Variants in ERCC6 observed in about 807,000 individuals in gnomAD.
The protein encoded by ERCC6 is ERCC excision repair 6, chromatin remodeling factor, also known as DNA excision repair protein ERCC-6.
A neutral mutation model predicts 158.7 loss-of-function variants in ERCC6; 116 were observed. The observed-to-expected ratio is 0.73, with a 90% CI of 0.63 to 0.85. ERCC6 has a LOEUF of 0.85. Ranked by LOEUF, ERCC6 falls within the 40% of genes least tolerant of loss-of-function variation. The probability of loss-of-function intolerance (pLI) is 0.00; values close to 1 mark genes in which losing one functional copy is unlikely to be tolerated. For missense variants in ERCC6, 1,698 were observed against 1,799.4 expected, an observed-to-expected ratio of 0.94 and a Z score of 1.02; for synonymous variants, 678 against 659.3, an observed-to-expected ratio of 1.03 and a Z score of -0.43.
intron 4 of ERCC6, among the ~76,000 whole-genome samples, chr10:49,526,117 T>TATATATATATATATATA (rs1837326508): frequency 9.2e-5 from 4 of 43,576 alleles, no homozygotes; most frequent in Non-Finnish European, 1.5e-4. Context: ...TTATATATTT[T>TATATATATATATATATA]TATATATATA....
upstream of ERCC6, chr10:49,539,183 G>C (rs982621311): frequency 1.3e-5 from 2 of 152,310 alleles, no homozygotes; most frequent in African/African-American, 2.4e-5. Context: ...TTGGAGGGAC[G>C]GGCTCAGCAG....
rs146345399 is a variant in ERCC6 at position 49,533,561 on chromosome 10, T to C, written c.-14-583A>G. ...ACTTTGGGAGGCCAAAGCGGGAGGA[T>C]AGAGACCAGCCAGGGAAACACAGCG... On this transcript the variant is annotated intron_variant, in intron 1 of 20. Transcript: ENST00000355832. Among the ~76,000 whole-genome samples the C allele has an allele frequency of 3.0e-3, 461 of 152,232 alleles. 3 individuals carry two copies. Among genetic ancestry groups the C allele is most frequent in the Non-Finnish European group, 5.0e-3 (343 of 68,024 alleles).
At chr10:49,467,575 T>C (rs1850699753) in intron 18 of ERCC6, among the ~76,000 whole-genome samples, 1 of 152,178 alleles carries the variant, frequency 6.6e-6, no homozygotes, top group African/African-American at 2.4e-5. Flanking sequence ...ATACATTTTA[T>C]TATTTTTTGA....
At chr10:49,446,320 C>T in the ERCC6 span, among the ~76,000 whole-genome samples, 1 of 151,870 alleles carries the variant, frequency 6.6e-6, no homozygotes, top group African/African-American at 2.4e-5. Context: ...AACAGCAAGA[C>T]CTCCAGCCAG....
At chr10:49,484,292 G>GA (rs1171502815) in intron 8 of ERCC6, among the ~76,000 whole-genome samples, 93 of 118,842 alleles carry the variant, frequency 7.8e-4, no homozygotes, top group Middle Eastern at 4.4e-3. Context: ...AAAAAAAAAA[G>GA]AAAAAAAAAA....
chr10:49,506,813 A>G (rs2132583457), intron 5 of ERCC6, among the ~76,000 whole-genome samples: 1 of 152,188 alleles, frequency 6.6e-6, no homozygotes, highest in East Asian at 1.9e-4. Flanking sequence ...GAGTGGGGAA[A>G]AAAAAAAAGC....
chr10:49,499,988 A>T (rs370236505), intron 7 of ERCC6, among the ~76,000 whole-genome samples: 1 of 141,500 alleles, frequency 7.1e-6, no homozygotes, highest in Non-Finnish European at 1.6e-5. Context: ...TTCAAAAACA[A>T]GAGAGAGAGC....
chr10:49,534,165 A>AAAACAAAAAAAAG (rs1321344953), intron 1 of ERCC6, among the ~76,000 whole-genome samples: 2 of 139,158 alleles, frequency 1.4e-5, no homozygotes, highest in Non-Finnish European at 1.6e-5. Flanking sequence ...CAAAAAAAAA[A>AAAACAAAAAAAAG]CTCCATTTTA....
chr10:49,515,457 T>C, intron 5 of ERCC6: 1 of 1,614,192 alleles, frequency 6.2e-7, no homozygotes, highest in Non-Finnish European at 8.5e-7. Context: ...GACTATCACA[T>C]GATTTATGCC....
At chr10:49,450,017 T>G (rs964037049), downstream of ERCC6, among the ~76,000 whole-genome samples, 1 of 152,136 alleles carries the variant, frequency 6.6e-6, no homozygotes, top group Non-Finnish European at 1.5e-5. Flanking sequence ...GGACTACAGA[T>G]GCACATGACC....
At chr10:49,464,506 G>A (rs889972294) in intron 18 of ERCC6, among the ~76,000 whole-genome samples, 1 of 152,206 alleles carries the variant, frequency 6.6e-6, no homozygotes, top group Non-Finnish European at 1.5e-5. Flanking sequence ...ACGTAACGAG[G>A]AGCCAAATGT....
chr10:49,524,527 T>C lies in ERCC6; in HGVS notation c.903A>G (p.Pro301=). 6.2e-7 allele frequency: 1 copy of C among 1,614,242 alleles called. No homozygotes were observed. Among genetic ancestry groups the C allele is most frequent in the Non-Finnish European group, 8.5e-7 (1 of 1,180,030 alleles). Reference sequence around the variant, plus strand: ...TTTGCACTGGGGCTGGAGGCGTGACTGGGGCTGGAGCTTTTCTAGCTGCTC... The same window carrying C: ...TTTGCACTGGGGCTGGAGGCGTGACCGGGGCTGGAGCTTTTCTAGCTGCTC... The part of the protein sequence containing the change: ...NKRAARKAPA[P]VTPPAPVQNK... The change falls in exon 5 of 21, where the codon CCA becomes CCG. Residue 301 remains proline (P), a synonymous_variant. Transcript: ENST00000355832.
chr10:49,477,674 CCCT>C (rs1295736003), intron 11 of ERCC6, among the ~76,000 whole-genome samples: 1 of 152,160 alleles, frequency 6.6e-6, no homozygotes, highest in African/African-American at 2.4e-5. Context: ...TCCTCTTCTA[CCCT>C]CCTCCTTGCT....
chr10:49,436,433 T>A, the ERCC6 span, among the ~76,000 whole-genome samples: 3 of 152,088 alleles, frequency 2.0e-5, no homozygotes, highest in African/African-American at 7.2e-5. Flanking sequence ...TTACATAATC[T>A]ACACTGAATC....
rs2132574809 is a variant in ERCC6, at chr10:49,500,393, C to T, written c.1685+145G>A. ...AGCTCCATTGTCTCGTAAAATTTTTCCTTTGATGTCCCCCACTAAAAGAAT... is the reference window on the plus strand; with the variant it reads ...AGCTCCATTGTCTCGTAAAATTTTTTCTTTGATGTCCCCCACTAAAAGAAT... On this transcript the variant is annotated intron_variant, in intron 7 of 20. Coordinates refer to ENST00000355832, the MANE Select transcript of ERCC6 (RefSeq NM_000124.4). The T allele has an allele frequency of 4.4e-6, 4 of 901,524 alleles. No homozygotes were observed. In the South Asian group the frequency reaches 5.7e-5, roughly 13 times the overall value. 55.8% of individuals were successfully genotyped at this position (901,524 alleles called of 1,614,324 possible). A position where few individuals can be genotyped will look rare whatever the true frequency, so the allele number is the denominator to read the frequency against.
At chr10:49,515,808 C>T (rs761014144) in intron 5 of ERCC6, 7 of 1,614,102 alleles carry the variant, frequency 4.3e-6, no homozygotes, top group East Asian at 2.2e-5. Context: ...CTGGGAGTAA[C>T]GACTGACAAG....
chr10:49,520,259 G>A (rs779552713), intron 5 of ERCC6, among the ~76,000 whole-genome samples: 2 of 152,118 alleles, frequency 1.3e-5, no homozygotes, highest in East Asian at 1.9e-4. Context: ...CTAAGTCAGC[G>A]TCTCCAGTGT....
chr10:49,532,830 G>T lies in ERCC6; in HGVS notation c.135C>A (p.Leu45=), dbSNP rs2228524. Residue 45 remains leucine, a synonymous_variant, in exon 2 of 21, where the codon CTC becomes CTA. Coordinates refer to ENST00000355832, the MANE Select transcript of ERCC6 (RefSeq NM_000124.4). The part of the protein sequence containing the change: ...SGGDGEVEEY[L]SFRSVGDGLS... The stretch of plus-strand genomic sequence containing the variant: ...GCCCGTCACCCACAGAACGAAAGGA[G>T]AGGTACTCCTCCACCTCCCCATCAC... The T allele has an allele frequency of 6.2e-7, 1 of 1,613,932 alleles. No individual in the cohort carries two copies. Among genetic ancestry groups the T allele is most frequent in the Non-Finnish European group, 8.5e-7 (1 of 1,179,988 alleles).
intron 4 of ERCC6, among the ~76,000 whole-genome samples, chr10:49,526,413 C>G (rs985157473): frequency 6.6e-6 from 1 of 151,794 alleles, no homozygotes; most frequent in Non-Finnish European, 1.5e-5. Context: ...TCCAGTCTTT[C>G]GCCCATTTTT....
Sources: gnomAD v4.1 joint callset for allele counts (sites outside exome capture counted in the v4.1 genomes callset) on GRCh38, gnomAD v4.1.1 for gene constraint, MANE v1.5 for transcripts, NCBI Gene and HGNC (gene_info 2026-07-23, HGNC 2026-07-21) for gene names.